APPL2: variants seen among roughly 807,000 people sequenced by gnomAD.
APPL2 encodes adaptor protein, phosphotyrosine interacting with PH domain and leucine zipper 2.
APPL2 carries 84 observed loss-of-function variants against 92.7 expected under a neutral mutation model. The observed-to-expected ratio is 0.91, with a 90% CI of 0.76 to 1.09. The LOEUF is 1.09. Ranked by LOEUF, APPL2 falls within the 50% of genes least tolerant of loss-of-function variation. The probability of loss-of-function intolerance (pLI) is 0.00; values close to 1 mark genes in which losing one functional copy is unlikely to be tolerated. For synonymous variants in APPL2, 291 were observed against 291.0 expected (o/e 1.00, Z 0.00); for missense variants, 736 against 824.5 (o/e 0.89, Z 1.31).
chr12:105,174,899 T>C (rs1321842393), intron 20 of APPL2, among the ~76,000 whole-genome samples: 1 of 136,078 alleles, frequency 7.3e-6, no homozygotes, highest in African/African-American at 2.7e-5. Flanking sequence ...GGTGCGGCGG[T>C]TGGAGACAGA....
intron 10 of APPL2, among the ~76,000 whole-genome samples, chr12:105,198,702 G>GAGT (rs1348728344): frequency 2.0e-5 from 3 of 152,140 alleles, no homozygotes; most frequent in Non-Finnish European, 4.4e-5. Flanking sequence ...GCTGACATCT[G>GAGT]AGTGCTCACT....
At position 105,211,029 on chromosome 12, in the gene APPL2, C is replaced by T. The variant is rs575038702; in HGVS notation, c.373+201G>A. 9.8e-5 allele frequency among the ~76,000 whole-genome samples: 15 copies of T among 152,336 alleles called. No homozygotes were observed. In the South Asian group the frequency reaches 2.9e-3, roughly 29 times the overall value. ...ACATTACAACGATCTGTTTCCACAC[C>T]TGTCTTCTCACTGGCCTGTGATCTC... On this transcript the variant is annotated intron_variant, in intron 5 of 20. Coordinates refer to ENST00000258530, the MANE Select transcript of APPL2 (RefSeq NM_018171.5).
chr12:105,223,171 G>A (rs998072819), intron 2 of APPL2, among the ~76,000 whole-genome samples: 8 of 152,186 alleles, frequency 5.3e-5, no homozygotes, highest in South Asian at 2.1e-4. Context: ...ATCCAGCTGC[G>A]GTGTGGAGGA....
chr12:105,216,509 T>C (rs1261482005), intron 4 of APPL2, among the ~76,000 whole-genome samples: 2 of 151,988 alleles, frequency 1.3e-5, no homozygotes, highest in Non-Finnish European at 2.9e-5. Flanking sequence ...TCATCCTGGA[T>C]TGTCACTAAA....
Position 105,236,084 on chromosome 12 carries a change from C to T in APPL2, c.-72G>A. ...AGGAGACGCGGCGGCCGAGAGCACT[C>T]CCCGGCTCTGGGCTCAGGCGACGCG... On this transcript the variant is annotated 5_prime_UTR_variant, in exon 1 of 21. Transcript: ENST00000258530. 1 of 1,124,946 alleles carries T rather than the reference C, an allele frequency of 8.9e-7. No homozygotes were observed. 69.7% of individuals were successfully genotyped at this position (1,124,946 alleles called of 1,614,324 possible).
chr12:105,177,613 T>C (rs1592749975), intron 17 of APPL2, among the ~76,000 whole-genome samples: 2 of 152,296 alleles, frequency 1.3e-5, no homozygotes, highest in Middle Eastern at 3.4e-3. Context: ...CAAACATCCA[T>C]TGGCAACTTT....
chr12:105,210,805 G>T (rs1272168563), intron 5 of APPL2, among the ~76,000 whole-genome samples: 3 of 137,340 alleles, frequency 2.2e-5, no homozygotes, highest in Non-Finnish European at 4.8e-5. Flanking sequence ...TCCAAACCCC[G>T]CTTTCCATTC....
chr12:105,177,495 T>C lies in APPL2; in HGVS notation c.1635-233A>G, dbSNP rs1192422407. 6 of 549,174 alleles carry C rather than the reference T, an allele frequency of 1.1e-5. 1 individual carries two copies. In the South Asian group the frequency reaches 1.3e-4, roughly 12 times the overall value. The allele number at this position is 549,174 out of a possible 1,614,324, so 34.0% of individuals were successfully genotyped here. On this transcript the variant is annotated intron_variant, in intron 17 of 20. Coordinates refer to ENST00000258530, the MANE Select transcript of APPL2 (RefSeq NM_018171.5). ...GGAAGATTATATAGCAAGTAGAAGA[T>C]TTAACTTCACAGGATTCTGCAACTT...
chr12:105,181,247 C>T (rs998898382), intron 17 of APPL2, among the ~76,000 whole-genome samples: 2 of 152,128 alleles, frequency 1.3e-5, no homozygotes, highest in African/African-American at 4.8e-5. Context: ...GTTCTGTTTA[C>T]GTGATGGATT....
chr12:105,179,611 G>A (rs1430479241), intron 17 of APPL2, among the ~76,000 whole-genome samples: 5 of 152,148 alleles, frequency 3.3e-5, no homozygotes, highest in Non-Finnish European at 5.9e-5. Flanking sequence ...GTATAAAAGC[G>A]TTCCTATTTC....
intron 17 of APPL2, chr12:105,177,543 TC>T (rs1592749890): frequency 4.3e-6 from 2 of 461,106 alleles, no homozygotes; most frequent in Non-Finnish European, 7.9e-6. Flanking sequence ...AGCATTATAA[TC>T]CTCAACAGAT....
intron 1 of APPL2, chr12:105,229,649 C>A (rs148755940): frequency 1.0e-6 from 1 of 992,144 alleles, no homozygotes; most frequent in East Asian, 1.1e-4. Context: ...TCATCTAGCA[C>A]AGCTGTAGTG....
chr12:105,199,443 C>A lies in APPL2; in HGVS notation c.793G>T (p.Asp265Tyr). 6.2e-7 allele frequency: 1 copy of A among 1,614,178 alleles called. No homozygotes were observed. Among genetic ancestry groups the A allele is most frequent in the Non-Finnish European group, 8.5e-7 (1 of 1,180,026 alleles). Residue 265 changes from aspartate (D) to tyrosine (Y), a missense_variant, in exon 10 of 21, where the codon GAC becomes TAC. Transcript: ENST00000258530. ...ATCTGTGGTGCGGCCACATCAGAGTCTGGAGTGTAAACAGATTCATCAACA... is the reference window on the plus strand; with the variant it reads ...ATCTGTGGTGCGGCCACATCAGAGTATGGAGTGTAAACAGATTCATCAACA... ...LSVDESVYTP[D>Y]SDVAAPQINR...
At chr12:105,210,975 C>T (rs915287616) in intron 5 of APPL2, among the ~76,000 whole-genome samples, 2 of 152,180 alleles carry the variant, frequency 1.3e-5, no homozygotes, top group African/African-American at 2.4e-5. Flanking sequence ...TACTCCTGTG[C>T]GTCTCTGTCC....
intron 17 of APPL2, among the ~76,000 whole-genome samples, chr12:105,179,620 T>C (rs140634492): frequency 6.6e-6 from 1 of 152,216 alleles, no homozygotes; most frequent in Non-Finnish European, 1.5e-5. Flanking sequence ...CGTTCCTATT[T>C]CTCCACATCC....
chr12:105,188,158 G>T, intron 17 of APPL2, 115 bp downstream of exon 17: 1 of 1,200,800 alleles, frequency 8.3e-7, no homozygotes, highest in Non-Finnish European at 1.2e-6. Flanking sequence ...AGTAGTGGGG[G>T]CAAAAGCAAG....
At chr12:105,183,070 C>CTTTTTT (rs56345779) in intron 17 of APPL2, among the ~76,000 whole-genome samples, 9 of 88,402 alleles carry the variant, frequency 1.0e-4, no homozygotes, top group African/African-American at 2.7e-4. Flanking sequence ...GCAACCCCTG[C>CTTTTTT]TTTTTTTTTT....
chr12:105,189,192 T>C (rs1011725254), intron 16 of APPL2, among the ~76,000 whole-genome samples: 1 of 112,722 alleles, frequency 8.9e-6, no homozygotes, highest in Non-Finnish European at 1.8e-5. Context: ...CTAATTTTTG[T>C]ATATATATAT....
intron 1 of APPL2, 49 bp downstream of exon 1, chr12:105,235,910 C>G (rs1201681663): frequency 1.6e-6 from 2 of 1,226,066 alleles, no homozygotes; most frequent in Non-Finnish European, 2.0e-6. Flanking sequence ...GGAGGGGCCT[C>G]CTCGGCCTCA....
Sources: gnomAD v4.1 joint callset for allele counts (sites outside exome capture counted in the v4.1 genomes callset) on GRCh38, gnomAD v4.1.1 for gene constraint, MANE v1.5 for transcripts, NCBI Gene and HGNC (gene_info 2026-07-23, HGNC 2026-07-21) for gene names.